TADA2A: variants seen among roughly 807,000 people sequenced by gnomAD.
TADA2A encodes transcriptional adaptor 2A.
In TADA2A, 38 loss-of-function variants were observed where a neutral mutation model predicts 67.4. The ratio of observed to expected loss-of-function variants is 0.56; its 90% CI spans 0.44 to 0.74. The LOEUF (loss-of-function observed/expected upper bound fraction) is 0.74. Among genes scored for constraint, TADA2A ranks in the 30% least tolerant of loss-of-function variants. The pLI is 0.00. For synonymous variants in TADA2A, 192 were observed against 181.6 expected, an observed-to-expected ratio of 1.06 and a Z score of -0.46; for missense variants, 454 against 547.0, an observed-to-expected ratio of 0.83 and a Z score of 1.70.
intron 8 of TADA2A, among the ~76,000 whole-genome samples, chr17:37,458,224 A>G (rs2053448370): frequency 6.6e-6 from 1 of 152,212 alleles, no homozygotes; most frequent in Non-Finnish European, 1.5e-5. Context: ...AATGGCCTCT[A>G]GCTCCATTCA....
At chr17:37,466,130 T>C (rs1429644746) in intron 11 of TADA2A, among the ~76,000 whole-genome samples, 1 of 152,118 alleles carries the variant, frequency 6.6e-6, no homozygotes, top group African/African-American at 2.4e-5. Context: ...AAATTAAAAG[T>C]TGTTATGAGG....
At chr17:37,418,868 T>G (rs200677477) in intron 2 of TADA2A, among the ~76,000 whole-genome samples, 2 of 139,628 alleles carry the variant, frequency 1.4e-5, no homozygotes, top group African/African-American at 2.6e-5. Flanking sequence ...GGATTACAGG[T>G]ATGAGCCACC....
chr17:37,413,569 TGGG>T (rs1042422148), intron 2 of TADA2A, among the ~76,000 whole-genome samples: 1 of 152,024 alleles, frequency 6.6e-6, no homozygotes, highest in Non-Finnish European at 1.5e-5. Flanking sequence ...TTTTAAGAGA[TGGG>T]GTCTCACTGT....
At chr17:37,407,988 G>A (rs1243427772) in intron 1 of TADA2A, 2 of 152,982 alleles carry the variant, frequency 1.3e-5, no homozygotes, top group Non-Finnish European at 2.9e-5. Context: ...CCAGGTTCAA[G>A]CGATTCTCCT....
At chr17:37,439,942 ATTATTTT>A (rs1404141990) in intron 5 of TADA2A, among the ~76,000 whole-genome samples, 7,615 of 58,424 alleles carry the variant, frequency 0.13, 676 homozygotes, top group African/African-American at 0.31. Flanking sequence ...TTATTTATTT[ATTATTTT>A]TTTTTTTTTT....
chr17:37,442,612 A>G lies in TADA2A; in HGVS notation c.491A>G (p.Asp164Gly), dbSNP rs767153736. ...RPTFDSLLSRDMAGYMPARAD... is the reference protein window; with the variant it reads ...RPTFDSLLSRGMAGYMPARAD... ...ACCTTTGACTCCTTGCTTTCTCGGG[A>G]CATGGCCGGGTACATGCCAGCTCGA... The change falls in exon 7 of 16, where the codon GAC becomes GGC. Residue 164 changes from aspartate to glycine, a missense_variant. Transcript: ENST00000615182. The G allele has an allele frequency of 2.5e-6, 4 of 1,614,046 alleles. No individual in the cohort carries two copies. In the South Asian group the frequency reaches 4.4e-5, roughly 18 times the overall value.
chr17:37,435,017 C>T (rs1189233068), intron 4 of TADA2A, among the ~76,000 whole-genome samples: 1 of 152,102 alleles, frequency 6.6e-6, no homozygotes, highest in Non-Finnish European at 1.5e-5. Context: ...GAGGCCCAGG[C>T]GGGCAGATCA....
intron 4 of TADA2A, among the ~76,000 whole-genome samples, chr17:37,429,237 G>T (rs557180640): frequency 1.3e-4 from 19 of 151,960 alleles, no homozygotes; most frequent in African/African-American, 4.3e-4. Context: ...ACCACAGCAG[G>T]CACCTCAACT....
chr17:37,417,074 C>T (rs1360593005), intron 2 of TADA2A, among the ~76,000 whole-genome samples: 3 of 151,830 alleles, frequency 2.0e-5, no homozygotes, highest in Non-Finnish European at 4.4e-5. Flanking sequence ...TCCTGAGGAA[C>T]AGATGTGAAA....
At chr17:37,422,652 G>T (rs1251354334) in intron 2 of TADA2A, among the ~76,000 whole-genome samples, 1 of 152,046 alleles carries the variant, frequency 6.6e-6, no homozygotes, top group East Asian at 1.9e-4. Context: ...ATTATAGGCT[G>T]CGCCCCCATC....
At chr17:37,464,708 T>C (rs1170464206) in intron 10 of TADA2A, among the ~76,000 whole-genome samples, 1 of 150,010 alleles carries the variant, frequency 6.7e-6, no homozygotes, top group African/African-American at 2.5e-5. Flanking sequence ...AGCATGGCGG[T>C]GTGCCTGTAA....
At chr17:37,461,708 G>C (rs2053550937) in intron 9 of TADA2A, 1 of 169,582 alleles carries the variant, frequency 5.9e-6, no homozygotes, top group African/African-American at 2.4e-5. Flanking sequence ...TAAAATGGCT[G>C]TTCTCAATTA....
At chr17:37,466,758 G>A (rs1353081861) in intron 11 of TADA2A, among the ~76,000 whole-genome samples, 2 of 152,126 alleles carry the variant, frequency 1.3e-5, no homozygotes, top group Admixed American at 6.5e-5. Context: ...CCCATGGATT[G>A]TCCAGGCTCT....
chr17:37,407,199 G>T (rs992778461), intron 1 of TADA2A: 14 of 151,818 alleles, frequency 9.2e-5, no homozygotes, highest in Admixed American at 8.5e-4. Flanking sequence ...GCGTCTGGGC[G>T]GTGCCCCAGT....
At chr17:37,437,893 G>A (rs1382940004) in intron 5 of TADA2A, 64 bp downstream of exon 5, 2 of 1,490,590 alleles carry the variant, frequency 1.3e-6, no homozygotes, top group South Asian at 1.1e-5. Context: ...TGTTGTTGAA[G>A]AGTAAAGGAA....
chr17:37,410,151 A>G (rs373234685), intron 1 of TADA2A, among the ~76,000 whole-genome samples: 2 of 152,000 alleles, frequency 1.3e-5, no homozygotes, highest in East Asian at 1.9e-4. Context: ...AGAGGTTGCA[A>G]TGAGTACTCC....
chr17:37,423,091 TGTG>T (rs1422501359), intron 2 of TADA2A, among the ~76,000 whole-genome samples: 2 of 151,924 alleles, frequency 1.3e-5, no homozygotes, highest in African/African-American at 4.8e-5. Context: ...ATTAACCAGG[TGTG>T]GTGGCATGTG....
At chr17:37,447,688 CAG>C (rs961953380) in intron 8 of TADA2A, among the ~76,000 whole-genome samples, 2 of 152,184 alleles carry the variant, frequency 1.3e-5, no homozygotes, top group Non-Finnish European at 2.9e-5. Context: ...GCTCATGCCA[CAG>C]AGAGGTATTT....
intron 11 of TADA2A, among the ~76,000 whole-genome samples, chr17:37,467,139 C>T (rs760005864): frequency 5.9e-5 from 9 of 151,868 alleles, no homozygotes; most frequent in Non-Finnish European, 1.0e-4. Flanking sequence ...GGCGACAGAG[C>T]GAGACTCTGT....
Sources: gnomAD v4.1 joint callset for allele counts (sites outside exome capture counted in the v4.1 genomes callset) on GRCh38, gnomAD v4.1.1 for gene constraint, MANE v1.5 for transcripts, NCBI Gene and HGNC (gene_info 2026-07-23, HGNC 2026-07-21) for gene names.